Variants in APP observed in about 807,000 individuals in gnomAD.
The protein encoded by APP is amyloid-beta precursor protein.
Under a neutral mutation model 101.4 loss-of-function variants are expected in APP, and 31 were observed. The observed-to-expected ratio is 0.31, with a 90% CI of 0.23 to 0.41. The LOEUF (loss-of-function observed/expected upper bound fraction) is 0.41, where lower values mean the gene tolerates loss of function less well. APP is among the 10% of genes least tolerant of loss of function. The pLI is 1.00. For missense variants in APP, 839 were observed against 1,003.7 expected, an observed-to-expected ratio of 0.84 and a Z score of 2.22; for synonymous variants, 366 against 364.4, an observed-to-expected ratio of 1.00 and a Z score of -0.05.
chr21:25,969,107 A>G (rs2041906604), intron 11 of APP, among the ~76,000 whole-genome samples: 1 of 151,820 alleles, frequency 6.6e-6, no homozygotes, highest in East Asian at 1.9e-4. Context: ...TGGGAGGCGG[A>G]GGCTGGCGGA....
intron 9 of APP, among the ~76,000 whole-genome samples, chr21:25,977,997 G>T (rs978328247): frequency 6.6e-6 from 1 of 152,202 alleles, no homozygotes; most frequent in African/African-American, 2.4e-5. Context: ...TGAGATAGAA[G>T]TTCAATGTTC....
At chr21:26,152,284 CAAAAAAAAAA>C (rs1161739630) in intron 1 of APP, among the ~76,000 whole-genome samples, 3 of 36,180 alleles carry the variant, frequency 8.3e-5, no homozygotes, top group South Asian at 1.3e-3. Flanking sequence ...GACTCCATCT[CAAAAAAAAAA>C]AAAAAAAAAA....
intron 11 of APP, among the ~76,000 whole-genome samples, chr21:25,960,159 G>C (rs548701594): frequency 6.6e-6 from 1 of 151,452 alleles, no homozygotes; most frequent in Non-Finnish European, 1.5e-5. Flanking sequence ...GTATGTCTAC[G>C]TGTAAGTGTG....
chr21:25,974,194 C>G (rs934639237), intron 11 of APP, among the ~76,000 whole-genome samples: 1 of 152,136 alleles, frequency 6.6e-6, no homozygotes, highest in Admixed American at 6.5e-5. Context: ...AATTTGAGTT[C>G]TAATTCTTTC....
At position 25,999,958 on chromosome 21, in the gene APP, CAG is replaced by C. The variant is rs2043217358; in HGVS notation, c.1033+55_1033+56del. 3 of 1,580,682 alleles carry C rather than the reference CAG, an allele frequency of 1.9e-6. No individual in the cohort carries two copies. In the African/African-American group the frequency reaches 4.1e-5, roughly 21 times the overall value. ...AGGAAAATCAATCTGTTACAAAAAG[CAG>C]AGTCAGTGGCGAGAGAGACGAAAGG... On this transcript the variant is annotated intron_variant, in intron 7 of 17. Coordinates refer to ENST00000346798, the MANE Select transcript of APP (RefSeq NM_000484.4).
intron 3 of APP, among the ~76,000 whole-genome samples, chr21:26,088,612 CTAAG>C (rs1194181388): frequency 3.9e-5 from 6 of 152,244 alleles, no homozygotes; most frequent in Middle Eastern, 3.4e-3. Context: ...GGTGTAATAA[CTAAG>C]TGAGTATAAA....
At position 26,075,469 on chromosome 21, in the gene APP, T is replaced by C. The variant is rs553192995; in HGVS notation, c.355+14474A>G. Among the ~76,000 whole-genome samples, 25 of 152,320 alleles carry C rather than the reference T, an allele frequency of 1.6e-4. 1 individual carries two copies. The South Asian group carries it at 3.7e-3, about 23-fold the overall frequency. On this transcript the variant is annotated intron_variant, in intron 3 of 17. Transcript: ENST00000346798. ...CAAGTTTGCTAGTAAAATTCGAAGA[T>C]GACCAGGAGCTATTTGCAGGATACT...
Position 25,891,061 on chromosome 21 carries a change from A to G in APP, c.2211+661T>C, listed in dbSNP as rs1239221312. Among the ~76,000 whole-genome samples the G allele has an allele frequency of 2.6e-5, 4 of 152,240 alleles. No individual in the cohort carries two copies. The East Asian group carries it at 7.7e-4, about 29-fold the overall frequency. On this transcript the variant is annotated intron_variant, in intron 17 of 17. Transcript: ENST00000346798. ...CCAAATGGCATTTCAAATGCATAAA[A>G]ATAACTTATTCGTAAATTTTCTTTC...
intron 8 of APP, among the ~76,000 whole-genome samples, chr21:25,996,853 A>C (rs1175470323): frequency 6.6e-6 from 1 of 152,158 alleles, no homozygotes; most frequent in African/African-American, 2.4e-5. Flanking sequence ...CTGCATTCCA[A>C]GCTCCCCTTT....
At chr21:26,047,110 C>T (rs1049756064) in intron 5 of APP, among the ~76,000 whole-genome samples, 2 of 152,132 alleles carry the variant, frequency 1.3e-5, no homozygotes, top group African/African-American at 2.4e-5. Flanking sequence ...GAAACACTAC[C>T]TGTTTTGCCT....
At chr21:25,924,781 G>GAA (rs112870630) in intron 13 of APP, among the ~76,000 whole-genome samples, 7 of 135,248 alleles carry the variant, frequency 5.2e-5, no homozygotes, top group Admixed American at 1.5e-4. Context: ...AGTAAACAAA[G>GAA]AAAAAAAAAA....
intron 15 of APP, chr21:25,897,919 T>C: frequency 3.9e-6 from 2 of 516,202 alleles, no homozygotes; most frequent in Non-Finnish European, 6.9e-6. Flanking sequence ...TTTAAATACA[T>C]GCTATAATTT....
At chr21:26,151,911 G>A (rs746099573) in intron 1 of APP, among the ~76,000 whole-genome samples, 58 of 152,090 alleles carry the variant, frequency 3.8e-4, no homozygotes, top group Admixed American at 1.0e-3. Flanking sequence ...AATATTACCT[G>A]ATATTTGGCA....
At chr21:26,031,617 C>T (rs1277994194) in intron 5 of APP, among the ~76,000 whole-genome samples, 5 of 152,110 alleles carry the variant, frequency 3.3e-5, no homozygotes, top group Admixed American at 3.3e-4. Context: ...GCAGAAACCC[C>T]TGATAAACCC....
chr21:26,007,548 T>G (rs550720171), intron 6 of APP, among the ~76,000 whole-genome samples: 12 of 150,508 alleles, frequency 8.0e-5, no homozygotes, highest in Admixed American at 1.3e-4. Flanking sequence ...CTGTCTGAGC[T>G]CAATGTAGTT....
At chr21:26,157,877 AGATCTAGCT>A (rs1401666964) in intron 1 of APP, among the ~76,000 whole-genome samples, 2 of 152,266 alleles carry the variant, frequency 1.3e-5, no homozygotes, top group Non-Finnish European at 2.9e-5. Context: ...CATGACAGAC[AGATCTAGCT>A]CAAAAGAGGT....
intron 13 of APP, among the ~76,000 whole-genome samples, chr21:25,937,222 T>C (rs1430239284): frequency 6.6e-6 from 1 of 152,196 alleles, no homozygotes; most frequent in African/African-American, 2.4e-5. Flanking sequence ...AAAAAGGGGA[T>C]AGTATATGAC....
At chr21:25,955,513 C>A in intron 12 of APP, 114 bp downstream of exon 12, 1 of 1,474,632 alleles carries the variant, frequency 6.8e-7, no homozygotes, top group South Asian at 1.2e-5. Context: ...GAGCTCTTGC[C>A]ATAGGGAAAA....
rs201922766 is a variant in APP at position 25,881,663 on chromosome 21, C to T, written c.*7G>A. On this transcript the variant is annotated 3_prime_UTR_variant, in exon 18 of 18. Coordinates refer to ENST00000346798, the MANE Select transcript of APP (RefSeq NM_000484.4). ...TGTCCAACTTCAGAGGCTGCTGTGG[C>T]GGGGGTCTAGTTCTGCATCTGCTCA... 5.8e-5 allele frequency: 94 copies of T among 1,613,188 alleles called. No homozygotes were observed. In the African/African-American group the frequency reaches 1.0e-3, roughly 17 times the overall value.
Sources: gnomAD v4.1 joint callset for allele counts (sites outside exome capture counted in the v4.1 genomes callset) on GRCh38, gnomAD v4.1.1 for gene constraint, MANE v1.5 for transcripts, NCBI Gene and HGNC (gene_info 2026-07-23, HGNC 2026-07-21) for gene names.